The following GRIA2 variants were observed in gnomAD, a reference collection of about 807,000 sequenced individuals.
The protein encoded by GRIA2 is glutamate receptor 2.
In GRIA2, 14 loss-of-function variants were observed where a neutral mutation model predicts 97.3. The ratio of observed to expected loss-of-function variants is 0.14; its 90% CI spans 0.10 to 0.23. The LOEUF (loss-of-function observed/expected upper bound fraction) is 0.23, where lower values mean the gene tolerates loss of function less well. GRIA2 is among the 10% of genes least tolerant of loss of function. The probability of loss-of-function intolerance (pLI) is 1.00; values close to 1 mark genes in which losing one functional copy is unlikely to be tolerated. For missense variants in GRIA2, 558 were observed against 1,069.8 expected (o/e 0.52, Z 6.67); for synonymous variants, 412 against 387.8 (o/e 1.06, Z -0.73).
At chr4:157,267,014 G>T (rs1176861902) in intron 2 of GRIA2, among the ~76,000 whole-genome samples, 1 of 151,906 alleles carries the variant, frequency 6.6e-6, no homozygotes, top group African/African-American at 2.4e-5. Flanking sequence ...GGATTTCGAG[G>T]TTACAGTGAG....
chr4:157,338,059 T>TA (rs70958819), intron 11 of GRIA2, among the ~76,000 whole-genome samples: 100,676 of 110,308 alleles, frequency 0.91, 45,819 homozygotes, highest in Middle Eastern at 0.95. Flanking sequence ...TACACACACA[T>TA]TTTTTTTATC....
intron 2 of GRIA2, among the ~76,000 whole-genome samples, chr4:157,247,891 G>A (rs951330838): frequency 6.6e-6 from 1 of 151,952 alleles, no homozygotes; most frequent in Admixed American, 6.6e-5. Flanking sequence ...TGGAAGAGAC[G>A]CTTAAGGTTT....
chr4:157,335,831 C>T lies in GRIA2; in HGVS notation c.1427C>T (p.Ala476Val). The T allele has an allele frequency of 6.2e-7, 1 of 1,612,194 alleles. No individual in the cohort carries two copies. The stretch of plus-strand genomic sequence containing the variant: ...GATGGCAAGTATGGGGCCAGGGATG[C>T]AGACACGAAAATTTGGAATGGGATG... ...VGDGKYGARD[A>V]DTKIWNGMVG... The change falls in exon 10 of 16, where the codon GCA becomes GTA. Residue 476 changes from alanine (A) to valine (V), a missense_variant. Physicochemically the swap from Ala to Val is moderately conservative, Grantham distance 64. Transcript: ENST00000264426.
chr4:157,310,025 T>A (rs1734010711), intron 3 of GRIA2, among the ~76,000 whole-genome samples: 1 of 152,164 alleles, frequency 6.6e-6, no homozygotes, highest in Non-Finnish European at 1.5e-5. Context: ...GAAAGTGGCT[T>A]AGAATTTAGA....
intron 11 of GRIA2, among the ~76,000 whole-genome samples, chr4:157,340,940 A>G (rs1735521262): frequency 6.6e-6 from 1 of 151,952 alleles, no homozygotes; most frequent in South Asian, 2.1e-4. Context: ...TTACATCATG[A>G]GTGGATAAAC....
chr4:157,319,876 T>C (rs1734484277), intron 5 of GRIA2, among the ~76,000 whole-genome samples: 1 of 152,072 alleles, frequency 6.6e-6, no homozygotes, highest in African/African-American at 2.4e-5. Context: ...GTAAATAAGG[T>C]GATGAAGAAG....
chr4:157,309,767 T>C (rs182406190), intron 3 of GRIA2, among the ~76,000 whole-genome samples: 2 of 152,356 alleles, frequency 1.3e-5, no homozygotes, highest in East Asian at 3.9e-4. Flanking sequence ...TCTTATAATA[T>C]ATGTCAAAAG....
chr4:157,350,931 C>CTTTTTTTTT (rs1240937135), intron 12 of GRIA2, among the ~76,000 whole-genome samples: 1 of 117,534 alleles, frequency 8.5e-6, no homozygotes, highest in Non-Finnish European at 1.8e-5. Flanking sequence ...TTAGTTTTTT[C>CTTTTTTTTT]TTTTTTTTTT....
At chr4:157,358,001 T>C (rs1163553713) in intron 12 of GRIA2, among the ~76,000 whole-genome samples, 1 of 152,154 alleles carries the variant, frequency 6.6e-6, no homozygotes, top group East Asian at 1.9e-4. Flanking sequence ...TGACATTTAA[T>C]GGATGATTTG....
chr4:157,357,984 G>A (rs1417434009), intron 12 of GRIA2, among the ~76,000 whole-genome samples: 3 of 151,980 alleles, frequency 2.0e-5, no homozygotes, highest in African/African-American at 7.2e-5. Context: ...TTTAAACTTG[G>A]AAAAATTGAC....
intron 3 of GRIA2, among the ~76,000 whole-genome samples, chr4:157,312,090 A>G (rs1734107014): frequency 6.6e-6 from 1 of 151,682 alleles, no homozygotes; most frequent in South Asian, 2.1e-4. Context: ...ATCATTCCCA[A>G]TAACAAAAAA....
In GRIA2 at chr4:157,309,408, G is replaced by C. The variant is rs559101620; in HGVS notation, c.470-3271G>C. Among the ~76,000 whole-genome samples, 10 of 145,692 alleles carry C rather than the reference G, an allele frequency of 6.9e-5. No individual in the cohort carries two copies. In the South Asian group the frequency reaches 2.2e-3, roughly 32 times the overall value. On this transcript the variant is annotated intron_variant, in intron 3 of 15. Transcript: ENST00000264426. ...GCTCTGTCACCCAGGCTGTAGTGCA[G>C]TGGCGTGACCTCGGCTCACTGCAAT...
At chr4:157,246,541 T>C (rs1274239771) in intron 2 of GRIA2, among the ~76,000 whole-genome samples, 1 of 152,154 alleles carries the variant, frequency 6.6e-6, no homozygotes, top group Non-Finnish European at 1.5e-5. Flanking sequence ...GTAATAACAC[T>C]GATTTCAAAA....
chr4:157,350,203 AAT>A (rs1225345499), intron 12 of GRIA2, among the ~76,000 whole-genome samples: 1 of 152,114 alleles, frequency 6.6e-6, no homozygotes, highest in Non-Finnish European at 1.5e-5. Flanking sequence ...AGATACATCA[AAT>A]ATATGGAGAG....
chr4:157,252,362 G>A (rs1283100690), intron 2 of GRIA2, among the ~76,000 whole-genome samples: 1 of 152,028 alleles, frequency 6.6e-6, no homozygotes, highest in South Asian at 2.1e-4. Context: ...TTTGTGTTTG[G>A]TTATTTGACC....
intron 2 of GRIA2, among the ~76,000 whole-genome samples, chr4:157,270,336 T>C (rs972814094): frequency 6.6e-6 from 1 of 152,100 alleles, no homozygotes; most frequent in Non-Finnish European, 1.5e-5. Flanking sequence ...GCTGAGAGCA[T>C]ACCACCTGGC....
At chr4:157,270,405 T>C (rs1731963615) in intron 2 of GRIA2, among the ~76,000 whole-genome samples, 2 of 152,134 alleles carry the variant, frequency 1.3e-5, no homozygotes, top group African/African-American at 4.8e-5. Context: ...AGTGTTCAAT[T>C]TGTGGTAGAA....
intron 2 of GRIA2, among the ~76,000 whole-genome samples, chr4:157,246,505 C>T (rs1342118444): frequency 6.6e-6 from 1 of 151,838 alleles, no homozygotes. Flanking sequence ...ATTAGGTTAC[C>T]TTTGGTTCCA....
At chr4:157,266,641 G>T (rs983909303) in intron 2 of GRIA2, among the ~76,000 whole-genome samples, 1 of 152,082 alleles carries the variant, frequency 6.6e-6, no homozygotes, top group Non-Finnish European at 1.5e-5. Flanking sequence ...AGCAAATGGG[G>T]ATCAGGTGTG....
Sources: allele counts gnomAD v4.1 joint callset (sites outside exome capture counted in the v4.1 genomes callset), GRCh38; gene constraint gnomAD v4.1.1; transcripts MANE v1.5; gene names NCBI Gene and HGNC (gene_info 2026-07-23, HGNC 2026-07-21).